Variants in ADAMTS17 observed in about 807,000 individuals in gnomAD.
ADAMTS17 encodes the protein A disintegrin and metalloproteinase with thrombospondin motifs 17.
Under a neutral mutation model 141.5 loss-of-function variants are expected in ADAMTS17, and 113 were observed. The observed-to-expected ratio is 0.80, with a 90% CI of 0.69 to 0.93. The LOEUF (loss-of-function observed/expected upper bound fraction) is 0.93, where lower values mean the gene tolerates loss of function less well. Among genes scored for constraint, ADAMTS17 ranks in the 40% least tolerant of loss-of-function variants. ADAMTS17 has a pLI of 0.00. For missense variants in ADAMTS17, 1,659 were observed against 1,517.9 expected (o/e 1.09, Z -1.54); for synonymous variants, 768 against 630.6 (o/e 1.22, Z -3.27).
chr15:100,160,218 C>T (rs1026574658), intron 8 of ADAMTS17, among the ~76,000 whole-genome samples: 6 of 152,184 alleles, frequency 3.9e-5, no homozygotes, highest in Non-Finnish European at 7.3e-5. Context: ...CCTACCTTGG[C>T]CAGGATCAGA....
intron 3 of ADAMTS17, among the ~76,000 whole-genome samples, chr15:100,329,096 G>C (rs890401377): frequency 6.6e-6 from 1 of 152,074 alleles, no homozygotes; most frequent in African/African-American, 2.4e-5. Flanking sequence ...CTGTGGGTGG[G>C]ACCCAGGCGT....
chr15:100,246,055 TTC>T (rs1328955374), intron 7 of ADAMTS17, among the ~76,000 whole-genome samples: 1 of 152,060 alleles, frequency 6.6e-6, no homozygotes, highest in African/African-American at 2.4e-5. Flanking sequence ...TCCTCTTCTG[TTC>T]TCTTAGGCAT....
intron 12 of ADAMTS17, among the ~76,000 whole-genome samples, chr15:100,125,428 T>C (rs2037680614): frequency 6.6e-6 from 1 of 152,200 alleles, no homozygotes; most frequent in South Asian, 2.1e-4. Context: ...CCAGCCGTCC[T>C]CCCGCCGTCT....
At chr15:100,218,226 G>A (rs1204101263) in intron 7 of ADAMTS17, among the ~76,000 whole-genome samples, 3 of 152,170 alleles carry the variant, frequency 2.0e-5, no homozygotes, top group Non-Finnish European at 2.9e-5. Context: ...TATTTGAGAT[G>A]ACAGATATGC....
rs140970057 is a variant in ADAMTS17, at chr15:100,159,134, A to T, written c.1182-3814T>A. ...TTCTATTTCAAAATATTTACGCAAA[A>T]AAATTGAAACCAGAATCTCCAAGAG... On this transcript the variant is annotated intron_variant, in intron 8 of 21. Transcript: ENST00000268070. 3.9e-4 allele frequency among the ~76,000 whole-genome samples: 60 copies of T among 152,352 alleles called. No homozygotes were observed. The East Asian group carries it at 7.3e-3, about 19-fold the overall frequency.
rs142304438 is a variant in ADAMTS17, at chr15:100,326,580, T to C, written c.616+4309A>G. On this transcript the variant is annotated intron_variant, in intron 3 of 21. Transcript: ENST00000268070. ...GATTACACCTGGATTTGAGATGTCC[T>C]AAATCTACTCCAGACTTTTACCAAG... 5.8e-3 allele frequency among the ~76,000 whole-genome samples: 877 copies of C among 152,334 alleles called. 12 individuals carry two copies. Among genetic ancestry groups the C allele is most frequent in the African/African-American group, 0.02 (838 of 41,572 alleles).
chr15:100,056,980 G>T (rs1025756117), intron 15 of ADAMTS17, among the ~76,000 whole-genome samples: 1 of 152,076 alleles, frequency 6.6e-6, no homozygotes, highest in Non-Finnish European at 1.5e-5. Flanking sequence ...GGATAAGCCC[G>T]CTTTCAGCTG....
In ADAMTS17 at chr15:99,974,479, G is replaced by T. The variant is rs773331594; in HGVS notation, c.3211C>A (p.Arg1071=). ...GTCTGGCAGCAGCGCTGGTACCACC[G>T]CATGTCCTGGCAGAGGTTCTTTTCT... is the stretch of plus-strand genomic sequence containing the variant. ...IREKNLCQDM[R]WYQRCCQTCR... is the part of the protein sequence containing the mutation. Residue 1071 remains arginine (R), a synonymous_variant, in exon 22 of 22, where the codon CGG becomes AGG. Transcript: ENST00000268070. 2 of 1,614,224 alleles carry T rather than the reference G, an allele frequency of 1.2e-6. No homozygotes were observed. The highest frequency in any genetic ancestry group is 1.7e-6 in the Non-Finnish European group (2 of 1,180,044).
In ADAMTS17 at chr15:99,973,751, CA is replaced by C. The variant is rs1392081385; in HGVS notation, c.*650del. The C allele has an allele frequency of 6.1e-6, 1 of 163,766 alleles. No individual in the cohort carries two copies. Among genetic ancestry groups the C allele is most frequent in the East Asian group, 1.8e-4 (1 of 5,652 alleles). The allele number at this position is 163,766 out of a possible 1,614,324, so 10.1% of individuals were successfully genotyped here. ...CATGCGGGTGGTATGAACTGCGTGGCACTGCTGTCCTCGCTGGCATATATAG... is the reference window on the plus strand; with the variant it reads ...CATGCGGGTGGTATGAACTGCGTGGCCTGCTGTCCTCGCTGGCATATATAG... On this transcript the variant is annotated 3_prime_UTR_variant, in exon 22 of 22. Transcript: ENST00000268070.
intron 14 of ADAMTS17, among the ~76,000 whole-genome samples, chr15:100,097,160 C>T (rs962210425): frequency 6.6e-6 from 1 of 152,154 alleles, no homozygotes; most frequent in African/African-American, 2.4e-5. Context: ...GTTTTGGACT[C>T]TTTTTTTCTT....
chr15:100,117,048 G>T (rs1157738220), intron 12 of ADAMTS17, 35 bp from the exon 13 acceptor site: 9 of 1,571,192 alleles, frequency 5.7e-6, no homozygotes, highest in East Asian at 2.3e-5. Flanking sequence ...TTAACCAGGT[G>T]GTGCGACCAA....
intron 8 of ADAMTS17, among the ~76,000 whole-genome samples, chr15:100,177,110 C>T (rs550589463): frequency 6.6e-6 from 1 of 152,310 alleles, no homozygotes; most frequent in South Asian, 2.1e-4. Flanking sequence ...AATGACTTTC[C>T]AATTCTCTGG....
intron 8 of ADAMTS17, among the ~76,000 whole-genome samples, chr15:100,196,920 G>A (rs531531448): frequency 1.3e-5 from 2 of 152,292 alleles, no homozygotes; most frequent in African/African-American, 2.4e-5. Flanking sequence ...AGAGGGGGAG[G>A]GCCAAATGCT....
At chr15:99,987,925 A>T (rs910454550) in intron 20 of ADAMTS17, among the ~76,000 whole-genome samples, 1 of 151,958 alleles carries the variant, frequency 6.6e-6, no homozygotes, top group Non-Finnish European at 1.5e-5. Flanking sequence ...GTTCATGTCT[A>T]TGCAGCCCCC....
Position 100,139,253 on chromosome 15 carries a change from G to T in ADAMTS17, c.1474-5938C>A, listed in dbSNP as rs868684484. On this transcript the variant is annotated intron_variant, in intron 10 of 21. Coordinates refer to ENST00000268070, the MANE Select transcript of ADAMTS17 (RefSeq NM_139057.4). Reference sequence around the variant, plus strand: ...GAAATCTAAAAAAATTATCAGGGGCGACTTAGCTCAGTTTTATGTACATAA... The same window carrying T: ...GAAATCTAAAAAAATTATCAGGGGCTACTTAGCTCAGTTTTATGTACATAA... Among the ~76,000 whole-genome samples, 5 of 152,262 alleles carry T rather than the reference G, an allele frequency of 3.3e-5. No homozygotes were observed. In the South Asian group the frequency reaches 1.0e-3, roughly 32 times the overall value.
intron 15 of ADAMTS17, among the ~76,000 whole-genome samples, chr15:100,072,777 A>C (rs897271751): frequency 8.5e-5 from 13 of 152,188 alleles, no homozygotes; most frequent in African/African-American, 2.2e-4. Flanking sequence ...TAAAGACTTA[A>C]ATGTTAGATC....
At chr15:100,241,390 C>T (rs535853258) in intron 7 of ADAMTS17, among the ~76,000 whole-genome samples, 139 of 152,314 alleles carry the variant, frequency 9.1e-4, no homozygotes, top group African/African-American at 3.1e-3. Flanking sequence ...AAGTCTTCAA[C>T]GCTTTGAGAC....
Position 100,155,180 on chromosome 15 carries a change from T to G in ADAMTS17, c.1322A>C (p.Lys441Thr), listed in dbSNP as rs145156568. ...CSRDDLENFLKSKVSTCLLVT... is the reference protein window; with the variant it reads ...CSRDDLENFLTSKVSTCLLVT... ...CCTATAGAATAATTCCAGGACTTAC[T>G]TGAGGAAGTTTTCAAGGTCATCTCG... The change falls in exon 9 of 22, where the codon AAG (lysine) becomes ACG (threonine). Residue 441 changes from lysine (K) to threonine (T), a missense_variant and splice_region_variant. Transcript: ENST00000268070. 4 of 1,614,224 alleles carry G rather than the reference T, an allele frequency of 2.5e-6. No individual in the cohort carries two copies. The Admixed American group carries it at 5.0e-5, about 20-fold the overall frequency.
At position 100,312,049 on chromosome 15, in the gene ADAMTS17, G is replaced by T. The variant is rs568144008; in HGVS notation, c.616+18840C>A. 2.1e-3 allele frequency among the ~76,000 whole-genome samples: 316 copies of T among 152,300 alleles called. 2 individuals are homozygous for T. Among genetic ancestry groups the T allele is most frequent in the African/African-American group, 7.4e-3 (308 of 41,562 alleles). ...GGATGGTCGTCCCCAGAAGGCCATG[G>T]GCCAGACGGCTGAGTGAGCTCATGG... is the stretch of plus-strand genomic sequence containing the variant. On this transcript the variant is annotated intron_variant, in intron 3 of 21. Coordinates refer to ENST00000268070, the MANE Select transcript of ADAMTS17 (RefSeq NM_139057.4).
Sources: gnomAD v4.1 joint callset for allele counts (sites outside exome capture counted in the v4.1 genomes callset) on GRCh38, gnomAD v4.1.1 for gene constraint, MANE v1.5 for transcripts, NCBI Gene and HGNC (gene_info 2026-07-23, HGNC 2026-07-21) for gene names.